Variants in AFAP1 observed in about 807,000 individuals in gnomAD.
AFAP1 encodes the protein actin filament-associated protein 1.
In AFAP1, 75 loss-of-function variants were observed where a neutral mutation model predicts 93.9. The observed-to-expected ratio is 0.80, with a 90% CI of 0.66 to 0.97. The LOEUF (loss-of-function observed/expected upper bound fraction) is 0.97, where lower values mean the gene tolerates loss of function less well. Ranked by LOEUF, AFAP1 falls within the 50% of genes least tolerant of loss-of-function variation. The pLI, the probability that AFAP1 is intolerant of heterozygous loss-of-function variation, is 0.00. For missense variants in AFAP1, 1,201 were observed against 1,050.8 expected, an observed-to-expected ratio of 1.14 and a Z score of -1.98; for synonymous variants, 517 against 430.7, an observed-to-expected ratio of 1.20 and a Z score of -2.48.
intron 1 of AFAP1, among the ~76,000 whole-genome samples, chr4:7,927,638 A>G (rs1720842082): frequency 6.6e-6 from 1 of 152,224 alleles, no homozygotes; most frequent in Admixed American, 6.5e-5. Context: ...CAGTGTGGGC[A>G]ACACAGCAAT....
chr4:7,911,123 G>T (rs900216167), intron 1 of AFAP1, among the ~76,000 whole-genome samples: 3 of 152,188 alleles, frequency 2.0e-5, no homozygotes, highest in Non-Finnish European at 4.4e-5. Context: ...TCTATGAGCA[G>T]ATGGGTTGAG....
intron 6 of AFAP1, among the ~76,000 whole-genome samples, chr4:7,821,984 C>G (rs1462665029): frequency 6.6e-6 from 1 of 152,198 alleles, no homozygotes; most frequent in Non-Finnish European, 1.5e-5. Context: ...ATGAGCAAAC[C>G]TGAACCTCAA....
At chr4:7,830,036 TG>T (rs993030314) in intron 6 of AFAP1, among the ~76,000 whole-genome samples, 11 of 152,154 alleles carry the variant, frequency 7.2e-5, no homozygotes, top group African/African-American at 2.7e-4. Flanking sequence ...TGTTATAGCC[TG>T]TAATAAAGAA....
chr4:7,849,859 A>G (rs1044013277), intron 4 of AFAP1, among the ~76,000 whole-genome samples: 13 of 152,126 alleles, frequency 8.5e-5, no homozygotes, highest in African/African-American at 3.1e-4. Context: ...TACAAAATGC[A>G]AGAGGGTCAC....
chr4:7,814,417 G>A (rs1290084503), intron 8 of AFAP1, among the ~76,000 whole-genome samples: 2 of 152,150 alleles, frequency 1.3e-5, no homozygotes, highest in African/African-American at 4.8e-5. Context: ...TCCACTCCTA[G>A]GTATTTACCC....
chr4:7,911,307 G>C (rs562221369), intron 1 of AFAP1, among the ~76,000 whole-genome samples: 5 of 152,292 alleles, frequency 3.3e-5, no homozygotes, highest in South Asian at 2.1e-4. Flanking sequence ...ACAGCCGGAG[G>C]GGGGAAGGGT....
intron 4 of AFAP1, among the ~76,000 whole-genome samples, chr4:7,848,474 G>A (rs1486937565): frequency 1.3e-5 from 2 of 152,158 alleles, no homozygotes; most frequent in Non-Finnish European, 2.9e-5. Flanking sequence ...GAGGGCAGTG[G>A]TGCTGGTATA....
intron 1 of AFAP1, among the ~76,000 whole-genome samples, chr4:7,895,066 C>G (rs1046938633): frequency 6.6e-6 from 1 of 152,220 alleles, no homozygotes; most frequent in African/African-American, 2.4e-5. Context: ...CTCACACACC[C>G]GCTTCGCAGG....
chr4:7,939,636 C>G lies in AFAP1; in HGVS notation c.-3+20G>C. 2.4e-6 allele frequency: 1 copy of G among 415,666 alleles called. No individual in the cohort carries two copies. The highest frequency in any genetic ancestry group is 1.6e-5 in the South Asian group (1 of 60,684). 25.7% of individuals were successfully genotyped at this position (415,666 alleles called of 1,614,324 possible). A position where few individuals can be genotyped will look rare whatever the true frequency, so the allele number is the denominator to read the frequency against. On this transcript the variant is annotated intron_variant, in intron 1 of 17. Transcript: ENST00000420658. The surrounding 1 kb of genome is among the most constrained non-coding windows in gnomAD (Gnocchi z 5.6). Reference sequence around the variant, plus strand: ...CCCCCGCCGGGTCCGGAGACCCTGCCGCCAGTCGCGCCGTCTCACCTCAGG... The same window carrying G: ...CCCCCGCCGGGTCCGGAGACCCTGCGGCCAGTCGCGCCGTCTCACCTCAGG...
intron 2 of AFAP1, among the ~76,000 whole-genome samples, chr4:7,870,326 C>T (rs1234832100): frequency 6.6e-6 from 1 of 152,124 alleles, no homozygotes; most frequent in Non-Finnish European, 1.5e-5. Context: ...GCTGACAGAT[C>T]CAAGAGTCTG....
intron 1 of AFAP1, among the ~76,000 whole-genome samples, chr4:7,916,094 C>T (rs1720071804): frequency 6.6e-6 from 1 of 152,114 alleles, no homozygotes; most frequent in Non-Finnish European, 1.5e-5. Flanking sequence ...AAGGCACTGC[C>T]TTAGGTGTTC....
At chr4:7,835,795 C>T (rs1336402354) in intron 6 of AFAP1, among the ~76,000 whole-genome samples, 2 of 134,988 alleles carry the variant, frequency 1.5e-5, no homozygotes, top group East Asian at 4.5e-4. Context: ...GGACTGCGGG[C>T]GGCCTCAAGG....
Position 7,789,552 on chromosome 4 carries a change from C to T in AFAP1, c.1413-3241G>A, listed in dbSNP as rs574897365. On this transcript the variant is annotated intron_variant, in intron 11 of 17. Coordinates refer to ENST00000420658, the MANE Select transcript of AFAP1 (RefSeq NM_001134647.2). ...AGCCCCTGCTTTCCATCCTTTTCAT[C>T]ATCACCATCCCATCCGTGCATCTCC... 1.4e-4 allele frequency among the ~76,000 whole-genome samples: 17 copies of T among 119,000 alleles called. No homozygotes were observed. In the South Asian group the frequency reaches 4.4e-3, roughly 31 times the overall value. The allele number at this position is 119,000 out of a possible 152,430, so 78.1% of individuals were successfully genotyped here.
intron 11 of AFAP1, among the ~76,000 whole-genome samples, chr4:7,787,471 C>G (rs1158328034): frequency 6.6e-6 from 1 of 152,206 alleles, no homozygotes; most frequent in African/African-American, 2.4e-5. Context: ...TATCCTGGAC[C>G]TGTGACTGGC....
chr4:7,773,141 T>C (rs960900102), intron 15 of AFAP1, 131 bp from the exon 16 acceptor site: 28 of 1,375,064 alleles, frequency 2.0e-5, no homozygotes, highest in Non-Finnish European at 2.4e-5. Context: ...TAGGTCCTCG[T>C]TGTGAAACTT....
In AFAP1 at chr4:7,819,116, G is replaced by A. The variant is rs374890152; in HGVS notation, c.782C>T (p.Pro261Leu). ...CSGPVDSECP[P>L]PPSSPVHKAE... is the part of the protein sequence containing the mutation. ...CTTGTGCACCGGGGAGCTTGGTGGA[G>A]GAGGACACTCTGAATCCACGGGGCC... The change falls in exon 7 of 18, where the codon CCT (proline) becomes CTT (leucine). Residue 261 changes from proline (P) to leucine (L), a missense_variant. By Grantham distance (98) the Pro-to-Leu change is moderately conservative (BLOSUM62 -3). Transcript: ENST00000420658. 19 of 1,613,818 alleles carry A rather than the reference G, an allele frequency of 1.2e-5. No homozygotes were observed. The highest frequency in any genetic ancestry group is 1.5e-5 in the Non-Finnish European group (18 of 1,179,870).
intron 3 of AFAP1, among the ~76,000 whole-genome samples, chr4:7,866,442 C>T (rs769619385): frequency 1.3e-5 from 2 of 152,112 alleles, no homozygotes; most frequent in African/African-American, 4.8e-5. Context: ...GCGATCCACC[C>T]GCCTCAGCCT....
chr4:7,920,897 G>A (rs4627847), intron 1 of AFAP1, among the ~76,000 whole-genome samples: 2 of 151,852 alleles, frequency 1.3e-5, no homozygotes, highest in Admixed American at 6.6e-5. Flanking sequence ...AGGTTTATAG[G>A]CTAGGAGAGG....
At chr4:7,822,640 A>G (rs2149077540) in intron 6 of AFAP1, among the ~76,000 whole-genome samples, 1 of 142,960 alleles carries the variant, frequency 7.0e-6, no homozygotes, top group African/African-American at 2.7e-5. Context: ...GCTGGAGTGC[A>G]GTGGCACGAT....
Sources: allele counts gnomAD v4.1 joint callset (sites outside exome capture counted in the v4.1 genomes callset), GRCh38; gene constraint gnomAD v4.1.1; non-coding constraint Gnocchi (gnomAD v3.1); transcripts MANE v1.5; gene names NCBI Gene and HGNC (gene_info 2026-07-23, HGNC 2026-07-21).